The following NELL1 variants were observed in gnomAD, a reference collection of about 807,000 sequenced individuals.
NELL1 encodes neural EGFL like 1, also known as protein kinase C-binding protein NELL1.
In NELL1, 76 loss-of-function variants were observed where a neutral mutation model predicts 107.4. The observed-to-expected ratio is 0.71, with a 90% CI of 0.59 to 0.86. The LOEUF (loss-of-function observed/expected upper bound fraction) is 0.86. Among genes scored for constraint, NELL1 ranks in the 40% least tolerant of loss-of-function variants. NELL1 has a pLI of 0.00. For synonymous variants in NELL1, 353 were observed against 341.2 expected (o/e 1.03, Z -0.38); for missense variants, 1,024 against 1,005.5 (o/e 1.02, Z -0.25).
intron 12 of NELL1, among the ~76,000 whole-genome samples, chr11:21,099,229 A>G (rs1854739206): frequency 7.2e-6 from 1 of 139,348 alleles, no homozygotes; most frequent in Non-Finnish European, 1.5e-5. Context: ...ACACACACAC[A>G]CACAAACACA....
At chr11:21,474,453 C>A (rs1854269814) in intron 15 of NELL1, among the ~76,000 whole-genome samples, 1 of 151,882 alleles carries the variant, frequency 6.6e-6, no homozygotes, top group African/African-American at 2.4e-5. Context: ...AAGCCAAGAA[C>A]AATATTCAGC....
chr11:20,852,210 A>AG (rs1247479458), intron 4 of NELL1, among the ~76,000 whole-genome samples: 4 of 147,938 alleles, frequency 2.7e-5, no homozygotes, highest in African/African-American at 9.7e-5. Flanking sequence ...ACACATCTGC[A>AG]GCCCGATTGT....
intron 15 of NELL1, among the ~76,000 whole-genome samples, chr11:21,516,762 G>C (rs112657824): frequency 0.15 from 17,168 of 116,340 alleles, 1,056 homozygotes; most frequent in African/African-American, 0.21. Flanking sequence ...CACACACACA[G>C]ACACACACAC....
rs1043440983 is a variant in NELL1 at position 21,300,409 on chromosome 11, A to G, written c.1550-70444A>G. 2.0e-5 allele frequency among the ~76,000 whole-genome samples: 3 copies of G among 151,996 alleles called. No individual in the cohort carries two copies. In the East Asian group the frequency reaches 5.8e-4, roughly 29 times the overall value. ...ACCTGGAGGCCAGAAAAAGGGCTTT[A>G]GGTTTATTCACATTTCTGGGCTAGG... On this transcript the variant is annotated intron_variant, in intron 14 of 19. Coordinates refer to ENST00000357134, the MANE Select transcript of NELL1 (RefSeq NM_006157.5).
chr11:20,850,602 TA>T (rs1848778175), intron 4 of NELL1, among the ~76,000 whole-genome samples: 1 of 152,216 alleles, frequency 6.6e-6, no homozygotes, highest in Admixed American at 6.5e-5. Context: ...TAGCTACTAC[TA>T]AGCTATTTAG....
chr11:21,429,827 T>G (rs1285237712), intron 15 of NELL1, among the ~76,000 whole-genome samples: 1 of 152,146 alleles, frequency 6.6e-6, no homozygotes, highest in Non-Finnish European at 1.5e-5. Context: ...AGAGAGCATT[T>G]TTTTGCCAGG....
intron 2 of NELL1, among the ~76,000 whole-genome samples, chr11:20,715,977 T>A (rs1418634727): frequency 6.6e-6 from 1 of 152,252 alleles, no homozygotes; most frequent in African/African-American, 2.4e-5. Flanking sequence ...TCTTTACATA[T>A]TGGGGCTAAA....
chr11:21,340,769 A>G (rs138976413), intron 14 of NELL1, among the ~76,000 whole-genome samples: 6 of 152,240 alleles, frequency 3.9e-5, no homozygotes, highest in African/African-American at 1.4e-4. Context: ...TGAAGATGGG[A>G]GAGATGCATG....
rs575626948 is a variant in NELL1 at position 21,069,773 on chromosome 11, T to C, written c.1301-43816T>C. Among the ~76,000 whole-genome samples the C allele has an allele frequency of 9.2e-5, 14 of 152,300 alleles. No individual in the cohort carries two copies. The South Asian group carries it at 2.1e-3, about 23-fold the overall frequency. ...AATCACTGATTAAGGGCCGGTGGTG[T>C]AGACTAGAAAAATATGGATTTTGCA... is the stretch of plus-strand genomic sequence containing the variant. On this transcript the variant is annotated intron_variant, in intron 12 of 19. Coordinates refer to ENST00000357134, the MANE Select transcript of NELL1 (RefSeq NM_006157.5).
chr11:21,172,344 G>A (rs10500897), intron 13 of NELL1, among the ~76,000 whole-genome samples: 1 of 151,558 alleles, frequency 6.6e-6, no homozygotes, highest in Non-Finnish European at 1.5e-5. Context: ...TTCTGGCTTC[G>A]TGTATCAGCC....
In NELL1 at chr11:20,732,579, G is replaced by T. The variant is rs146001576; in HGVS notation, c.185-51101G>T. On this transcript the variant is annotated intron_variant, in intron 2 of 19. Transcript: ENST00000357134. ...TTTGGAGATCATTTGGGGCTGGCAG[G>T]ATCCTGGAGGATTTGCAGCAAGAGG... Among the ~76,000 whole-genome samples the T allele has an allele frequency of 5.4e-4, 82 of 152,264 alleles. 1 individual carries two copies. Among genetic ancestry groups the T allele is most frequent in the South Asian group, 5.0e-3 (24 of 4,828 alleles).
At chr11:21,430,660 G>T (rs773149341) in intron 15 of NELL1, among the ~76,000 whole-genome samples, 1 of 152,054 alleles carries the variant, frequency 6.6e-6, no homozygotes, top group Non-Finnish European at 1.5e-5. Context: ...TAGATCATAG[G>T]AAATGATTCG....
At chr11:21,285,524 C>G (rs1161047624) in intron 14 of NELL1, among the ~76,000 whole-genome samples, 1 of 152,206 alleles carries the variant, frequency 6.6e-6, no homozygotes, top group African/African-American at 2.4e-5. Context: ...TTCCTATGGT[C>G]TTATTTATGA....
At chr11:21,348,028 A>G (rs1214924824) in intron 14 of NELL1, among the ~76,000 whole-genome samples, 9 of 152,218 alleles carry the variant, frequency 5.9e-5, no homozygotes, top group Admixed American at 5.9e-4. Flanking sequence ...TGACAGGACA[A>G]GGAGTGTTGT....
At chr11:21,382,797 T>G (rs1420040508) in intron 15 of NELL1, among the ~76,000 whole-genome samples, 2 of 151,950 alleles carry the variant, frequency 1.3e-5, no homozygotes, top group African/African-American at 4.8e-5. Flanking sequence ...CTTGACTAAA[T>G]GACAAGCAGA....
At chr11:21,565,663 C>A (rs1370583353) in intron 17 of NELL1, among the ~76,000 whole-genome samples, 3 of 151,876 alleles carry the variant, frequency 2.0e-5, no homozygotes, top group Non-Finnish European at 4.4e-5. Flanking sequence ...CCTCACGATA[C>A]AAAAGGTGCA....
At chr11:21,047,340 A>G (rs1158190339) in intron 12 of NELL1, among the ~76,000 whole-genome samples, 1 of 152,074 alleles carries the variant, frequency 6.6e-6, no homozygotes, top group Non-Finnish European at 1.5e-5. Context: ...TTTTGTTTAT[A>G]ATTTAATGGA....
chr11:21,270,440 G>A lies in NELL1; in HGVS notation c.1549+40986G>A, dbSNP rs76356605. Among the ~76,000 whole-genome samples, 939 of 152,024 alleles carry A rather than the reference G, an allele frequency of 6.2e-3. 17 individuals are homozygous for A. Among genetic ancestry groups the A allele is most frequent in the East Asian group, 0.039 (203 of 5,160 alleles). ...AAGAAAAATTATCAGGGATAAATGG[G>A]CATTACATAATTTTAAAAGGGTTAA... On this transcript the variant is annotated intron_variant, in intron 14 of 19. Transcript: ENST00000357134.
chr11:20,841,556 A>C (rs1848623594), intron 3 of NELL1, among the ~76,000 whole-genome samples: 1 of 152,202 alleles, frequency 6.6e-6, no homozygotes, highest in African/African-American at 2.4e-5. Context: ...AATCAGATGC[A>C]AATTAGCATA....
Sources: allele counts gnomAD v4.1 joint callset (sites outside exome capture counted in the v4.1 genomes callset), GRCh38; gene constraint gnomAD v4.1.1; transcripts MANE v1.5; gene names NCBI Gene and HGNC (gene_info 2026-07-23, HGNC 2026-07-21).